The following AS3MT variants were observed in gnomAD, a reference collection of about 807,000 sequenced individuals.
The protein encoded by AS3MT is arsenite methyltransferase, also known as S-adenosyl-L-methionine:arsenic(III) methyltransferase.
In AS3MT, 47 loss-of-function variants were observed where a neutral mutation model predicts 45.3. The observed-to-expected ratio is 1.04, with a 90% CI of 0.82 to 1.32. The LOEUF (loss-of-function observed/expected upper bound fraction) is 1.32. AS3MT is among the 40% of genes most tolerant of loss of function. The pLI is 0.00. For missense variants in AS3MT, 396 were observed against 451.1 expected (o/e 0.88, Z 1.11); for synonymous variants, 141 against 152.8 (o/e 0.92, Z 0.57).
At chr10:102,898,243 CTTT>C (rs990609747) in intron 10 of AS3MT, among the ~76,000 whole-genome samples, 1 of 151,782 alleles carries the variant, frequency 6.6e-6, no homozygotes, top group Non-Finnish European at 1.5e-5. Flanking sequence ...TCTTCATCTT[CTTT>C]TTAATCCTGA....
At chr10:102,888,974 T>G (rs1047163555) in intron 9 of AS3MT, among the ~76,000 whole-genome samples, 1 of 148,220 alleles carries the variant, frequency 6.7e-6, no homozygotes, top group Non-Finnish European at 1.5e-5. Context: ...CACTGCAAGC[T>G]CCGCCTCCCG....
At chr10:102,877,337 A>G (rs1844797903) in intron 7 of AS3MT, among the ~76,000 whole-genome samples, 1 of 152,222 alleles carries the variant, frequency 6.6e-6, no homozygotes, top group South Asian at 2.1e-4. Context: ...TAGTGTGGAA[A>G]TGAGGACAAT....
intron 6 of AS3MT, among the ~76,000 whole-genome samples, chr10:102,875,476 CAAAAAAAAAAAA>C (rs35877885): frequency 2.5e-5 from 1 of 39,646 alleles, no homozygotes; most frequent in African/African-American, 1.0e-4. Flanking sequence ...GACTCCATCT[CAAAAAAAAAAAA>C]AAAAAAAAAA....
Position 102,881,375 on chromosome 10 carries a change from ATCTC to A in AS3MT, c.885+2388_885+2391del, listed in dbSNP as rs1564792438. On this transcript the variant is annotated intron_variant, in intron 9 of 10. Transcript: ENST00000369880. The surrounding 1 kb of genome is among the most constrained non-coding windows in gnomAD (Gnocchi z 4.2). ...TGAATCCAGAACAAAATTATGCTAAATCTCTCTGGTAATTAACTAAATAAAAATC... is the reference window on the plus strand; with the variant it reads ...TGAATCCAGAACAAAATTATGCTAAATCTGGTAATTAACTAAATAAAAATC... 6.6e-6 allele frequency among the ~76,000 whole-genome samples: 1 copy of A among 152,238 alleles called. No individual in the cohort carries two copies. Among genetic ancestry groups the A allele is most frequent in the Non-Finnish European group, 1.5e-5 (1 of 68,046 alleles).
chr10:102,878,206 A>C (rs1178306363), intron 7 of AS3MT, among the ~76,000 whole-genome samples, 173 bp from the exon 8 acceptor site: 1 of 152,186 alleles, frequency 6.6e-6, no homozygotes, highest in Non-Finnish European at 1.5e-5. Flanking sequence ...TAGCACACCC[A>C]GTCTTAACCA....
chr10:102,875,239 G>A (rs1483646115), intron 6 of AS3MT, among the ~76,000 whole-genome samples: 1 of 152,118 alleles, frequency 6.6e-6, no homozygotes, highest in Admixed American at 6.6e-5. Context: ...TGCTGTGGGA[G>A]GCCGAGGCGG....
At chr10:102,891,379 A>G (rs1845068925) in intron 10 of AS3MT, among the ~76,000 whole-genome samples, 1 of 152,164 alleles carries the variant, frequency 6.6e-6, no homozygotes, top group Non-Finnish European at 1.5e-5. Flanking sequence ...AAATTCAGAG[A>G]CCTTTCGTGA....
At chr10:102,876,849 C>A in intron 6 of AS3MT, 105 bp from the exon 7 acceptor site, 3 of 1,102,824 alleles carry the variant, frequency 2.7e-6, no homozygotes, top group South Asian at 1.4e-5. Context: ...TTAAACATTG[C>A]TATTGATTTT....
intron 9 of AS3MT, among the ~76,000 whole-genome samples, chr10:102,888,485 A>G (rs1394394053): frequency 1.3e-5 from 2 of 151,686 alleles, no homozygotes; most frequent in Non-Finnish European, 2.9e-5. Flanking sequence ...GCAATGGCGC[A>G]ATCTCGGCTC....
intron 2 of AS3MT, 55 bp downstream of exon 2, chr10:102,869,900 T>C: frequency 1.2e-6 from 2 of 1,607,838 alleles, no homozygotes; most frequent in Non-Finnish European, 8.5e-7. Flanking sequence ...AATGGAAGTC[T>C]GGCCTGGCCC....
chr10:102,872,266 C>A (rs1024688802), intron 3 of AS3MT, among the ~76,000 whole-genome samples, 182 bp from the exon 4 acceptor site: 1 of 152,120 alleles, frequency 6.6e-6, no homozygotes, highest in Non-Finnish European at 1.5e-5. Flanking sequence ...AGATACAGTC[C>A]CAGCCTTCAT....
At chr10:102,880,265 C>T (rs1037559633) in intron 9 of AS3MT, among the ~76,000 whole-genome samples, 2 of 151,778 alleles carry the variant, frequency 1.3e-5, no homozygotes, top group African/African-American at 2.4e-5. Flanking sequence ...AATCAGATAC[C>T]TGGGTTCAAA....
chr10:102,872,981 T>C, intron 4 of AS3MT, 116 bp from the exon 5 acceptor site: 1 of 870,050 alleles, frequency 1.1e-6, no homozygotes, highest in East Asian at 2.7e-5. Flanking sequence ...AGGAATCTTG[T>C]ATGTTTATCC....
chr10:102,877,137 G>A, intron 7 of AS3MT, 102 bp downstream of exon 7: 2 of 1,126,368 alleles, frequency 1.8e-6, no homozygotes, highest in Non-Finnish European at 2.6e-6. Context: ...ATCACATGGG[G>A]TTAGGCCATG....
At chr10:102,884,843 G>A (rs1844923700) in intron 9 of AS3MT, among the ~76,000 whole-genome samples, 1 of 151,984 alleles carries the variant, frequency 6.6e-6, no homozygotes, top group Admixed American at 6.6e-5. Flanking sequence ...CACTGCGACC[G>A]GCCAAACATT....
intron 10 of AS3MT, among the ~76,000 whole-genome samples, chr10:102,893,085 A>G (rs186372811): frequency 4.0e-5 from 6 of 150,090 alleles, no homozygotes; most frequent in African/African-American, 1.5e-4. Flanking sequence ...GCACAACGGA[A>G]GTCTCTAAAT....
chr10:102,889,994 CTT>C (rs763044924), intron 9 of AS3MT, among the ~76,000 whole-genome samples: 279 of 126,248 alleles, frequency 2.2e-3, no homozygotes, highest in African/African-American at 7.1e-3. Flanking sequence ...ATTTTCTTTT[CTT>C]TTTTTTTTTT....
intron 10 of AS3MT, among the ~76,000 whole-genome samples, chr10:102,895,778 C>CTTT (rs34570460): frequency 1.4e-5 from 2 of 143,018 alleles, no homozygotes; most frequent in Non-Finnish European, 1.5e-5. Flanking sequence ...ATAATACCAG[C>CTTT]TTTTTTTTTT....
chr10:102,898,134 C>T (rs1293579241), intron 10 of AS3MT, among the ~76,000 whole-genome samples: 2 of 149,014 alleles, frequency 1.3e-5, no homozygotes, highest in African/African-American at 5.0e-5. Context: ...TTTTTCTTAA[C>T]GGAAGACCTT....
Sources: gnomAD v4.1 joint callset for allele counts (sites outside exome capture counted in the v4.1 genomes callset) on GRCh38, gnomAD v4.1.1 for gene constraint, Gnocchi (gnomAD v3.1) non-coding constraint, MANE v1.5 for transcripts, NCBI Gene and HGNC (gene_info 2026-07-23, HGNC 2026-07-21) for gene names.